Variants in CCDC102B observed in about 807,000 individuals in gnomAD.
CCDC102B encodes coiled-coil domain containing 102B.
A neutral mutation model predicts 57.4 loss-of-function variants in CCDC102B; 75 were observed. That is an observed-to-expected ratio of 1.31 (90% CI 1.08 to 1.58). The LOEUF is 1.58. Ranked by LOEUF, CCDC102B falls within the 40% of genes most tolerant of loss-of-function variation. The pLI is 0.00. For missense variants in CCDC102B, 636 were observed against 582.6 expected, an observed-to-expected ratio of 1.09 and a Z score of -0.94; for synonymous variants, 206 against 201.9, an observed-to-expected ratio of 1.02 and a Z score of -0.17.
At chr18:68,803,828 C>T (rs2035939944) in intron 1 of CCDC102B, among the ~76,000 whole-genome samples, 1 of 151,624 alleles carries the variant, frequency 6.6e-6, no homozygotes, top group African/African-American at 2.4e-5. Flanking sequence ...GTCGGGAAAT[C>T]ATGGGTCCTG....
At chr18:68,838,982 TTGTTAATACAGATAGA>T in intron 3 of CCDC102B, 56 bp downstream of exon 3, 1 of 1,340,324 alleles carries the variant, frequency 7.5e-7, no homozygotes, top group South Asian at 1.2e-5. Context: ...TCACTTAAAA[TTGTTAATACAGATAGA>T]TTGGTCATTT....
Position 68,789,236 on chromosome 18 carries a change from G to A in CCDC102B, c.-66-34130G>A, listed in dbSNP as rs957140256. On this transcript the variant is annotated intron_variant, in intron 2 of 3. Transcript: ENST00000578970. The stretch of plus-strand genomic sequence containing the variant: ...ATGGGCTTCCCTTTGAGGGTAACCC[G>A]ACCTTTCTCTCTGGCTGCCCTTAAC... 3.9e-5 allele frequency among the ~76,000 whole-genome samples: 6 copies of A among 152,162 alleles called. 1 individual carries two copies. The highest frequency in any genetic ancestry group is 4.1e-4 in the South Asian group (2 of 4,826).
chr18:69,001,273 T>C (rs2051193567), intron 6 of CCDC102B, among the ~76,000 whole-genome samples: 1 of 151,818 alleles, frequency 6.6e-6, no homozygotes, highest in African/African-American at 2.4e-5. Context: ...TTCTTTAACT[T>C]ACCTCCGACA....
chr18:68,819,502 AATAAT>A (rs1419574581), intron 1 of CCDC102B, among the ~76,000 whole-genome samples: 4 of 152,020 alleles, frequency 2.6e-5, no homozygotes, highest in Non-Finnish European at 5.9e-5. Flanking sequence ...ATTCATATCC[AATAAT>A]ATAATTCTGT....
upstream of CCDC102B, among the ~76,000 whole-genome samples, chr18:68,793,536 T>A (rs1321020980): frequency 6.6e-6 from 1 of 152,170 alleles, no homozygotes; most frequent in Non-Finnish European, 1.5e-5. Flanking sequence ...ACTTTCTCTA[T>A]AACATGTCCG....
At chr18:68,756,810 T>C (rs2034066443) in intron 2 of CCDC102B, among the ~76,000 whole-genome samples, 2 of 152,198 alleles carry the variant, frequency 1.3e-5, no homozygotes, top group African/African-American at 4.8e-5. Context: ...GGCCAAGTTA[T>C]GTGCCACCAC....
intron 3 of CCDC102B, among the ~76,000 whole-genome samples, chr18:68,844,104 C>A (rs1250227005): frequency 6.6e-6 from 1 of 151,856 alleles, no homozygotes; most frequent in Non-Finnish European, 1.5e-5. Flanking sequence ...AAATACATAT[C>A]AGATATTTTC....
intron 5 of CCDC102B, among the ~76,000 whole-genome samples, chr18:68,889,306 C>T (rs2039993631): frequency 6.6e-6 from 1 of 152,172 alleles, no homozygotes; most frequent in Admixed American, 6.5e-5. Context: ...CGTGAAGACA[C>T]ATGGAGAATA....
chr18:68,719,283 T>G (rs1281673425), intron 2 of CCDC102B, among the ~76,000 whole-genome samples: 1 of 152,232 alleles, frequency 6.6e-6, no homozygotes, highest in Non-Finnish European at 1.5e-5. Context: ...GGAAGCTTTA[T>G]TATGTGAATT....
intron 2 of CCDC102B, 50 bp from the exon 3 acceptor site, chr18:68,838,656 T>A: frequency 6.3e-7 from 1 of 1,580,432 alleles, no homozygotes; most frequent in Non-Finnish European, 8.6e-7. Flanking sequence ...TTTGTCATCA[T>A]GATTTTTCTC....
intron 7 of CCDC102B, among the ~76,000 whole-genome samples, chr18:69,013,430 A>G (rs990891270): frequency 6.6e-6 from 1 of 152,244 alleles, no homozygotes; most frequent in Non-Finnish European, 1.5e-5. Flanking sequence ...TAAAATGTCC[A>G]TTATTCTGGT....
At chr18:68,896,982 T>C (rs1380640477) in intron 5 of CCDC102B, among the ~76,000 whole-genome samples, 8 of 152,102 alleles carry the variant, frequency 5.3e-5, no homozygotes. Context: ...ATATGGTACA[T>C]ATGGCTGTAG....
At chr18:68,780,613 C>T (rs2034974920) in intron 2 of CCDC102B, among the ~76,000 whole-genome samples, 1 of 151,822 alleles carries the variant, frequency 6.6e-6, no homozygotes, top group African/African-American at 2.4e-5. Flanking sequence ...TTAGCTATTC[C>T]AGTGGAAATA....
At position 68,779,665 on chromosome 18, in the gene CCDC102B, G is replaced by A. The variant is rs117889397; in HGVS notation, c.-66-43701G>A. Among the ~76,000 whole-genome samples the A allele has an allele frequency of 1.8e-3, 275 of 152,060 alleles. 3 individuals are homozygous for A. The East Asian group carries it at 0.043, about 24-fold the overall frequency. On this transcript the variant is annotated intron_variant, in intron 2 of 3. Transcript: ENST00000578970. ...AAAATGTTTGGAGACCATTAAAGTA[G>A]AGAAGCAGAAAATCATGCAGTGAGG...
At chr18:69,022,304 C>CAT (rs1317560916) in intron 7 of CCDC102B, among the ~76,000 whole-genome samples, 2 of 150,508 alleles carry the variant, frequency 1.3e-5, no homozygotes, top group East Asian at 2.0e-4. Context: ...CACACACACA[C>CAT]ATATATATGG....
intron 4 of CCDC102B, among the ~76,000 whole-genome samples, chr18:68,847,818 A>G (rs1490632382): frequency 6.6e-6 from 1 of 151,820 alleles, no homozygotes; most frequent in Non-Finnish European, 1.5e-5. Flanking sequence ...TAAATGAACC[A>G]CAAAGTTGAA....
chr18:68,773,184 C>G (rs1228146781), intron 2 of CCDC102B, among the ~76,000 whole-genome samples: 3 of 151,772 alleles, frequency 2.0e-5, no homozygotes, highest in African/African-American at 7.3e-5. Flanking sequence ...AAAAAAAATG[C>G]CAAGTCAAAA....
intron 5 of CCDC102B, among the ~76,000 whole-genome samples, chr18:68,892,956 A>G (rs2040129986): frequency 6.6e-6 from 1 of 152,192 alleles, no homozygotes; most frequent in Non-Finnish European, 1.5e-5. Flanking sequence ...ATATTTGCAA[A>G]TCAATTACTG....
chr18:68,840,794 G>A (rs576446215), intron 3 of CCDC102B, among the ~76,000 whole-genome samples: 1 of 152,278 alleles, frequency 6.6e-6, no homozygotes, highest in South Asian at 2.1e-4. Context: ...TAAGGTGTCA[G>A]TTTTAAAGAT....
Sources: allele counts gnomAD v4.1 joint callset (sites outside exome capture counted in the v4.1 genomes callset), GRCh38; gene constraint gnomAD v4.1.1; transcripts MANE v1.5; gene names NCBI Gene and HGNC (gene_info 2026-07-23, HGNC 2026-07-21).